The following CSMD3 variants were observed in gnomAD, a reference collection of about 807,000 sequenced individuals.
The protein encoded by CSMD3 is CUB and Sushi multiple domains 3.
In CSMD3, 177 loss-of-function variants were observed where a neutral mutation model predicts 435.2. The observed-to-expected ratio is 0.41, with a 90% CI of 0.36 to 0.46. The LOEUF is 0.46. Ranked by LOEUF, CSMD3 falls within the 20% of genes least tolerant of loss-of-function variation. CSMD3 has a pLI of 0.34. For missense variants in CSMD3, 4,265 were observed against 4,504.6 expected (o/e 0.95, Z 1.52); for synonymous variants, 1,656 against 1,520.5 (o/e 1.09, Z -2.07).
At chr8:112,752,543 A>G (rs2077594295) in intron 13 of CSMD3, among the ~76,000 whole-genome samples, 1 of 152,202 alleles carries the variant, frequency 6.6e-6, no homozygotes, top group Non-Finnish European at 1.5e-5. Flanking sequence ...GGTAGAGGAT[A>G]CAATATCATC....
chr8:112,556,878 A>T lies in CSMD3; in HGVS notation c.4119T>A (p.Ala1373=). 1 of 1,612,156 alleles carries T rather than the reference A, an allele frequency of 6.2e-7. No homozygotes were observed. ...TGCATCCATAAATGATGGTGCTACC[A>T]GCAAAGTGGCCTTGGTCACTGATCT... is the stretch of plus-strand genomic sequence containing the variant. The part of the protein sequence containing the change: ...GYKISDQGHF[A]GSTIIYGCNP... The change falls in exon 25 of 71, where the codon GCT becomes GCA. Residue 1373 remains alanine, a synonymous_variant. Transcript: ENST00000297405.
At chr8:113,434,842 A>G (rs1167216713) in intron 1 of CSMD3, among the ~76,000 whole-genome samples, 2 of 152,164 alleles carry the variant, frequency 1.3e-5, no homozygotes, top group Non-Finnish European at 2.9e-5. Context: ...AGCGTTAGTC[A>G]GGCTGTAATG....
At chr8:113,053,336 A>G (rs959145759) in intron 5 of CSMD3, among the ~76,000 whole-genome samples, 3 of 152,168 alleles carry the variant, frequency 2.0e-5, no homozygotes, top group East Asian at 3.9e-4. Flanking sequence ...TTAAAATTAT[A>G]TAATTTAAGT....
chr8:112,706,256 T>C (rs1448645953), intron 13 of CSMD3, among the ~76,000 whole-genome samples: 2 of 151,898 alleles, frequency 1.3e-5, no homozygotes, highest in African/African-American at 2.4e-5. Flanking sequence ...AAAAAAAAAA[T>C]CTTGAAATTG....
intron 13 of CSMD3, among the ~76,000 whole-genome samples, chr8:112,769,318 C>G (rs1339710861): frequency 6.6e-6 from 1 of 151,972 alleles, no homozygotes; most frequent in Non-Finnish European, 1.5e-5. Context: ...CTTCTAAGAC[C>G]TGCATGATCT....
In CSMD3 at chr8:112,237,267, G is replaced by T. The variant is rs1813674794; in HGVS notation, c.10550C>A (p.Thr3517Lys). The change falls in exon 67 of 71, where the codon ACA becomes AAA. Residue 3517 changes from threonine (T) to lysine (K), a missense_variant. Physicochemically the swap from Thr to Lys is moderately conservative, Grantham distance 78. Transcript: ENST00000297405. ...FKGRKQPMTL[T>K]VTSFNASTGR... ...AGTGGAAGCATTGAAACTAGTAACT[G>T]TTAAGGTCATGGGTTGTTTCCTTCC... 6.2e-7 allele frequency: 1 copy of T among 1,613,364 alleles called. No homozygotes were observed. Among genetic ancestry groups the T allele is most frequent in the Non-Finnish European group, 8.5e-7 (1 of 1,179,444 alleles).
At chr8:113,107,344 C>T (rs975937967) in intron 4 of CSMD3, among the ~76,000 whole-genome samples, 7 of 152,214 alleles carry the variant, frequency 4.6e-5, no homozygotes, top group Admixed American at 6.5e-5. Context: ...TGGTCTTGAA[C>T]TCCTGTTCTG....
At chr8:113,011,386 T>C (rs2131128088) in intron 6 of CSMD3, among the ~76,000 whole-genome samples, 1 of 151,896 alleles carries the variant, frequency 6.6e-6, no homozygotes, top group South Asian at 2.1e-4. Context: ...TGTAGAATAG[T>C]TTGTTCAGCT....
chr8:112,464,236 T>TTAAAAA (rs1817729945), intron 32 of CSMD3, among the ~76,000 whole-genome samples: 1 of 117,940 alleles, frequency 8.5e-6, no homozygotes, highest in African/African-American at 3.7e-5. Context: ...AGACTCTGTT[T>TTAAAAA]CAAAAAAAAA....
Position 112,263,802 on chromosome 8 carries a change from G to T in CSMD3, c.9699C>A (p.Cys3233Ter). The change falls in exon 61 of 71, where the codon TGC (cysteine) becomes TGA (stop). Residue 3233 changes from cysteine (C) to a stop codon, truncating the protein, a stop_gained. Transcript: ENST00000297405. LOFTEE classifies it high-confidence loss of function. ...GVMPTCRAVT[C>*]PTPPQISNGR... Reference sequence around the variant, plus strand: ...CATTAGAGATCTGGGGAGGAGTTGGGCAGGTAACAGCTGCAATTACATTAA... The same window carrying T: ...CATTAGAGATCTGGGGAGGAGTTGGTCAGGTAACAGCTGCAATTACATTAA... 1.2e-6 allele frequency: 2 copies of T among 1,613,660 alleles called. No homozygotes were observed. The highest frequency in any genetic ancestry group is 1.1e-5 in the South Asian group (1 of 91,084).
intron 27 of CSMD3, among the ~76,000 whole-genome samples, chr8:112,535,178 A>G (rs1349486857): frequency 6.6e-6 from 1 of 151,686 alleles, no homozygotes; most frequent in East Asian, 2.0e-4. Context: ...CAGGGCAATT[A>G]GGCAGGAGAA....
At chr8:112,596,432 C>A (rs1487259157) in intron 22 of CSMD3, among the ~76,000 whole-genome samples, 4 of 152,030 alleles carry the variant, frequency 2.6e-5, no homozygotes, top group Admixed American at 1.3e-4. Flanking sequence ...CTTTAACACC[C>A]CACTGTCAAC....
chr8:112,626,168 T>A lies in CSMD3; in HGVS notation c.3715+10649A>T, dbSNP rs1834458219. Reference sequence around the variant, plus strand: ...TGAAATTCATTTTATCTCATACCGATAATATTTTCGTTAGGGACTGAATGC... The same window carrying A: ...TGAAATTCATTTTATCTCATACCGAAAATATTTTCGTTAGGGACTGAATGC... On this transcript the variant is annotated intron_variant, in intron 22 of 70. Coordinates refer to ENST00000297405, the MANE Select transcript of CSMD3 (RefSeq NM_198123.2). Among the ~76,000 whole-genome samples the A allele has an allele frequency of 2.6e-5, 4 of 152,244 alleles. No homozygotes were observed. The South Asian group carries it at 8.3e-4, about 32-fold the overall frequency.
chr8:113,342,322 G>T (rs187120751), intron 1 of CSMD3, among the ~76,000 whole-genome samples: 1 of 151,996 alleles, frequency 6.6e-6, no homozygotes, highest in Non-Finnish European at 1.5e-5. Context: ...TCTCTAATGC[G>T]CTTTCAAAAG....
At chr8:112,335,868 A>G (rs998521787) in intron 44 of CSMD3, among the ~76,000 whole-genome samples, 9 of 152,072 alleles carry the variant, frequency 5.9e-5, no homozygotes, top group Middle Eastern at 3.4e-3. Flanking sequence ...CAGATAAATT[A>G]TCAGTAGTTA....
At chr8:112,435,440 C>A (rs1200137827) in intron 32 of CSMD3, among the ~76,000 whole-genome samples, 2 of 152,028 alleles carry the variant, frequency 1.3e-5, no homozygotes. Context: ...CAAGCTAGTA[C>A]TAGAAGCTAG....
intron 13 of CSMD3, among the ~76,000 whole-genome samples, chr8:112,696,841 A>C (rs1213481087): frequency 1.3e-5 from 2 of 152,136 alleles, no homozygotes; most frequent in African/African-American, 4.8e-5. Flanking sequence ...CAAAGGGCTA[A>C]TATCCAGAAT....
chr8:112,981,657 A>G (rs913982876), intron 6 of CSMD3, among the ~76,000 whole-genome samples: 2 of 151,688 alleles, frequency 1.3e-5, no homozygotes, highest in East Asian at 3.9e-4. Flanking sequence ...TACATCTACT[A>G]AAATCACTTT....
intron 59 of CSMD3, 40 bp downstream of exon 59, chr8:112,281,134 C>T (rs2130576000): frequency 7.0e-7 from 1 of 1,434,152 alleles, no homozygotes; most frequent in Non-Finnish European, 9.8e-7. Context: ...TCAATACTTT[C>T]ATATAATTAC....
Sources: allele counts gnomAD v4.1 joint callset (sites outside exome capture counted in the v4.1 genomes callset), GRCh38; gene constraint gnomAD v4.1.1; transcripts MANE v1.5; gene names NCBI Gene and HGNC (gene_info 2026-07-23, HGNC 2026-07-21).